DAP: variants seen among roughly 807,000 people sequenced by gnomAD.
DAP encodes death-associated protein 1.
DAP carries 8 observed loss-of-function variants against 13.8 expected under a neutral mutation model. The observed-to-expected ratio is 0.58, with a 90% CI of 0.34 to 1.05. The LOEUF is 1.05. Among genes scored for constraint, DAP ranks in the 50% least tolerant of loss-of-function variants. DAP has a pLI of 0.03. For missense variants in DAP, 106 were observed against 133.2 expected (o/e 0.80, Z 1.01); for synonymous variants, 47 against 47.5 (o/e 0.99, Z 0.04).
chr5:10,701,747 C>T (rs989754479), intron 2 of DAP, among the ~76,000 whole-genome samples: 5 of 152,054 alleles, frequency 3.3e-5, no homozygotes, highest in East Asian at 3.9e-4. Flanking sequence ...TTCCCTGGGA[C>T]GGTCTGGGTT....
chr5:10,727,512 TC>T (rs1233367736), intron 2 of DAP, among the ~76,000 whole-genome samples: 1 of 152,144 alleles, frequency 6.6e-6, no homozygotes, highest in Non-Finnish European at 1.5e-5. Flanking sequence ...GCTGCCTTGC[TC>T]CTGATGCTCA....
chr5:10,733,914 A>C (rs1043263106), intron 2 of DAP: 1 of 152,228 alleles, frequency 6.6e-6, no homozygotes, highest in Non-Finnish European at 1.5e-5. Context: ...AAAGTACTTA[A>C]AAACTTCAGG....
At chr5:10,709,152 G>A (rs1738776892) in intron 2 of DAP, among the ~76,000 whole-genome samples, 2 of 152,136 alleles carry the variant, frequency 1.3e-5, no homozygotes, top group African/African-American at 2.4e-5. Flanking sequence ...TTAATAATCT[G>A]GATTTTTAAA....
intron 3 of DAP, among the ~76,000 whole-genome samples, chr5:10,681,616 C>A (rs1300111805): frequency 7.0e-6 from 1 of 143,308 alleles, no homozygotes; most frequent in East Asian, 2.2e-4. Flanking sequence ...AGTGTCCCTG[C>A]AGGAAGCATG....
intron 2 of DAP, among the ~76,000 whole-genome samples, chr5:10,712,491 T>C (rs1389119311): frequency 1.3e-5 from 2 of 151,994 alleles, no homozygotes; most frequent in Non-Finnish European, 2.9e-5. Context: ...CCCCTCCACA[T>C]AGGAAGGGCA....
At chr5:10,719,831 T>G (rs896209935) in intron 2 of DAP, among the ~76,000 whole-genome samples, 1 of 152,118 alleles carries the variant, frequency 6.6e-6, no homozygotes. Flanking sequence ...CTATGATCAG[T>G]TGGCAGAGGA....
chr5:10,733,533 C>T (rs927546072), intron 2 of DAP, among the ~76,000 whole-genome samples: 5 of 152,162 alleles, frequency 3.3e-5, no homozygotes, highest in Non-Finnish European at 5.9e-5. Flanking sequence ...GTGTCCAACT[C>T]TAAATCTGCT....
Position 10,748,200 on chromosome 5 carries a change from CCTTGT to C in DAP, c.122_126del (p.Asp41GlyfsTer2), listed in dbSNP as rs1198797203. The C allele has an allele frequency of 1.2e-6, 2 of 1,613,886 alleles. No individual in the cohort carries two copies. The highest frequency in any genetic ancestry group is 1.7e-6 in the Non-Finnish European group (2 of 1,179,868). The stretch of plus-strand genomic sequence containing the variant: ...CTGGGGCTTTCCCATTCCTGGTCAT[CCTTGT>C]CTTTCTCTTCTTTGGTGTCTCCTGT... On this transcript the variant is annotated frameshift_variant, in exon 2 of 4. Transcript: ENST00000230895. LOFTEE classifies it high-confidence loss of function.
At chr5:10,693,154 G>A (rs1738348025) in intron 2 of DAP, among the ~76,000 whole-genome samples, 1 of 120,442 alleles carries the variant, frequency 8.3e-6, no homozygotes, top group South Asian at 2.6e-4. Context: ...ACACACACAC[G>A]TGCGTAGTAG....
At chr5:10,730,872 T>TG (rs1244637767) in intron 2 of DAP, among the ~76,000 whole-genome samples, 1 of 59,856 alleles carries the variant, frequency 1.7e-5, no homozygotes. Flanking sequence ...AGAGCCCTGG[T>TG]GGGGGGAATC....
chr5:10,693,875 G>C (rs1373030115), intron 2 of DAP, among the ~76,000 whole-genome samples: 1 of 152,102 alleles, frequency 6.6e-6, no homozygotes, highest in Non-Finnish European at 1.5e-5. Flanking sequence ...CCTGAAAAAT[G>C]ATCACTTATG....
intron 2 of DAP, among the ~76,000 whole-genome samples, chr5:10,743,180 A>T (rs956810875): frequency 2.0e-5 from 3 of 152,198 alleles, no homozygotes; most frequent in African/African-American, 7.2e-5. Flanking sequence ...ATTTATGCAT[A>T]GTTTTTTATT....
rs867997128 is a variant in DAP at position 10,701,448 on chromosome 5, C to T, written c.153-17877G>A. Reference sequence around the variant, plus strand: ...ACCCAGCATCTTTATGGTTCAGTAACGGGGCTGAGAGCCCTAAAATGGTTT... The same window carrying T: ...ACCCAGCATCTTTATGGTTCAGTAATGGGGCTGAGAGCCCTAAAATGGTTT... On this transcript the variant is annotated intron_variant, in intron 2 of 3. Coordinates refer to ENST00000230895, the MANE Select transcript of DAP (RefSeq NM_004394.3). Among the ~76,000 whole-genome samples, 25 of 152,164 alleles carry T rather than the reference C, an allele frequency of 1.6e-4. 1 individual carries two copies. Among genetic ancestry groups the T allele is most frequent in the Admixed American group, 3.3e-4 (5 of 15,280 alleles).
chr5:10,693,203 T>C (rs754655244), intron 2 of DAP, among the ~76,000 whole-genome samples: 25 of 152,140 alleles, frequency 1.6e-4, no homozygotes, highest in Non-Finnish European at 3.1e-4. Context: ...CTGATCCCAC[T>C]GAAAGTAATC....
intron 2 of DAP, among the ~76,000 whole-genome samples, chr5:10,700,586 G>C (rs1738552652): frequency 2.0e-5 from 3 of 152,182 alleles, no homozygotes; most frequent in Non-Finnish European, 4.4e-5. Flanking sequence ...TGGATGTGTG[G>C]GGCATGGTAG....
At chr5:10,687,996 A>ACCTCTACCTCC (rs961408633) in intron 2 of DAP, among the ~76,000 whole-genome samples, 2 of 149,414 alleles carry the variant, frequency 1.3e-5, no homozygotes, top group African/African-American at 2.5e-5. Context: ...GCTCACTGCA[A>ACCTCTACCTCC]CCTCTACCTC....
At chr5:10,695,856 T>C (rs1738426099) in intron 2 of DAP, among the ~76,000 whole-genome samples, 1 of 152,000 alleles carries the variant, frequency 6.6e-6, no homozygotes, top group Non-Finnish European at 1.5e-5. Flanking sequence ...ATGTCAAAAC[T>C]TCACAGAGAT....
In DAP at chr5:10,685,954, T is replaced by A. The variant is rs138770908; in HGVS notation, c.153-2383A>T. ...CACACACACACAAACAAACACCTTG[T>A]TTTATGGCATCTGCTTATCGCACTT... On this transcript the variant is annotated intron_variant, in intron 2 of 3. Coordinates refer to ENST00000230895, the MANE Select transcript of DAP (RefSeq NM_004394.3). Among the ~76,000 whole-genome samples, 519 of 152,282 alleles carry A rather than the reference T, an allele frequency of 3.4e-3. 3 individuals are homozygous for A. Among genetic ancestry groups the A allele is most frequent in the African/African-American group, 0.012 (506 of 41,548 alleles).
At position 10,761,010 on chromosome 5, in the gene DAP, G is replaced by A. The variant is rs766612036; in HGVS notation, c.55+4C>T. The A allele has an allele frequency of 1.1e-5, 14 of 1,220,102 alleles. No homozygotes were observed. The East Asian group carries it at 4.2e-4, about 36-fold the overall frequency. The allele number at this position is 1,220,102 out of a possible 1,614,324, so 75.6% of individuals were successfully genotyped here. A position where few individuals can be genotyped will look rare whatever the true frequency, so the allele number is the denominator to read the frequency against. Reference sequence around the variant, plus strand: ...GCGTGGAGAGAGAGGAAAAGAGTCAGTACCGGCGGGCGGGTGTCCAGCTTT... The same window carrying A: ...GCGTGGAGAGAGAGGAAAAGAGTCAATACCGGCGGGCGGGTGTCCAGCTTT... On this transcript the variant is annotated splice_donor_region_variant and intron_variant, in intron 1 of 3. Coordinates refer to ENST00000230895, the MANE Select transcript of DAP (RefSeq NM_004394.3).
Sources: allele counts gnomAD v4.1 joint callset (sites outside exome capture counted in the v4.1 genomes callset), GRCh38; gene constraint gnomAD v4.1.1; transcripts MANE v1.5; gene names NCBI Gene and HGNC (gene_info 2026-07-23, HGNC 2026-07-21).